PCSK5: variants seen among roughly 807,000 people sequenced by gnomAD.
PCSK5 encodes the protein proprotein convertase subtilisin/kexin type 5, also known as prohormone convertase 5.
A neutral mutation model predicts 233.2 loss-of-function variants in PCSK5; 129 were observed. That is an observed-to-expected ratio of 0.55 (90% CI 0.48 to 0.64). PCSK5 has a LOEUF of 0.64. Ranked by LOEUF, PCSK5 falls within the 30% of genes least tolerant of loss-of-function variation. The pLI, the probability that PCSK5 is intolerant of heterozygous loss-of-function variation, is 0.00. For missense variants in PCSK5, 2,076 were observed against 2,430.1 expected, an observed-to-expected ratio of 0.85 and a Z score of 3.06; for synonymous variants, 825 against 879.2, an observed-to-expected ratio of 0.94 and a Z score of 1.09.
At chr9:76,130,143 GT>G (rs1414767876) in intron 9 of PCSK5, among the ~76,000 whole-genome samples, 1 of 152,050 alleles carries the variant, frequency 6.6e-6, no homozygotes, top group Non-Finnish European at 1.5e-5. Context: ...TTATTTTTCT[GT>G]TTACCTTTGA....
chr9:76,206,027 A>G (rs914408413), intron 20 of PCSK5, among the ~76,000 whole-genome samples: 7 of 152,210 alleles, frequency 4.6e-5, no homozygotes, highest in South Asian at 4.1e-4. Flanking sequence ...CTCTAAGGCA[A>G]TGAGCATAGA....
chr9:76,330,743 G>A (rs1016787738), intron 33 of PCSK5, among the ~76,000 whole-genome samples: 3 of 151,890 alleles, frequency 2.0e-5, no homozygotes, highest in Non-Finnish European at 2.9e-5. Flanking sequence ...TACCATTCCT[G>A]ATCACTTCAC....
At chr9:76,248,945 T>C (rs1826707085) in intron 24 of PCSK5, among the ~76,000 whole-genome samples, 1 of 152,132 alleles carries the variant, frequency 6.6e-6, no homozygotes, top group Non-Finnish European at 1.5e-5. Flanking sequence ...TTATTTTTTG[T>C]AGAGGTGGGG....
chr9:75,979,964 T>A (rs1366850004), intron 2 of PCSK5, among the ~76,000 whole-genome samples: 1 of 152,206 alleles, frequency 6.6e-6, no homozygotes, highest in African/African-American at 2.4e-5. Context: ...CAATAAATAT[T>A]TTTAGCATGA....
intron 5 of PCSK5, among the ~76,000 whole-genome samples, chr9:76,034,873 T>G (rs538675136): frequency 1.3e-5 from 2 of 152,314 alleles, no homozygotes; most frequent in Non-Finnish European, 1.5e-5. Context: ...CCTTGATTGG[T>G]TCATCTAGAT....
At chr9:76,192,872 T>C (rs1477490426) in intron 20 of PCSK5, among the ~76,000 whole-genome samples, 1 of 152,172 alleles carries the variant, frequency 6.6e-6, no homozygotes, top group Non-Finnish European at 1.5e-5. Context: ...GTGTCTTAGA[T>C]TCAATGAAAT....
intron 9 of PCSK5, among the ~76,000 whole-genome samples, chr9:76,132,312 T>C (rs1281011213): frequency 1.3e-5 from 2 of 152,054 alleles, no homozygotes; most frequent in African/African-American, 4.8e-5. Context: ...TTCTTGAAAG[T>C]TTTTTGCTTT....
intron 3 of PCSK5, among the ~76,000 whole-genome samples, chr9:76,004,981 A>T (rs371733508): frequency 1.6e-4 from 25 of 152,238 alleles, no homozygotes; most frequent in African/African-American, 6.0e-4. Flanking sequence ...AGAGCTAAGA[A>T]GATATATCTG....
chr9:76,238,058 G>A (rs78108435), intron 22 of PCSK5, among the ~76,000 whole-genome samples: 1,895 of 152,230 alleles, frequency 0.012, 37 homozygotes, highest in African/African-American at 0.043. Flanking sequence ...GTTATTCTGA[G>A]TAACACAGAT....
intron 5 of PCSK5, among the ~76,000 whole-genome samples, chr9:76,039,923 T>C (rs1829021827): frequency 6.6e-6 from 1 of 152,220 alleles, no homozygotes; most frequent in South Asian, 2.1e-4. Context: ...TCAGGTTCCC[T>C]CGAATGGCAT....
intron 1 of PCSK5, among the ~76,000 whole-genome samples, chr9:75,929,936 C>T (rs941976736): frequency 6.6e-6 from 1 of 151,156 alleles, no homozygotes; most frequent in African/African-American, 2.4e-5. Flanking sequence ...GATCTTGGCT[C>T]ACTGCAACCT....
At chr9:76,065,611 A>C (rs765201704) in intron 5 of PCSK5, among the ~76,000 whole-genome samples, 11 of 151,564 alleles carry the variant, frequency 7.3e-5, no homozygotes, top group Non-Finnish European at 1.5e-4. Flanking sequence ...TTATCTTTTC[A>C]CTCTGTTAAT....
At chr9:76,018,905 G>C (rs963209286) in intron 3 of PCSK5, among the ~76,000 whole-genome samples, 1 of 152,242 alleles carries the variant, frequency 6.6e-6, no homozygotes, top group South Asian at 2.1e-4. Context: ...TCCAACATCC[G>C]CGCCTTATCT....
At chr9:76,265,163 C>T (rs1040880939) in intron 24 of PCSK5, among the ~76,000 whole-genome samples, 1 of 151,920 alleles carries the variant, frequency 6.6e-6, no homozygotes, top group African/African-American at 2.4e-5. Context: ...GAATAGAAAA[C>T]CAAATACTGC....
At chr9:76,268,830 G>A (rs970488702) in intron 24 of PCSK5, among the ~76,000 whole-genome samples, 10 of 152,188 alleles carry the variant, frequency 6.6e-5, no homozygotes. Flanking sequence ...GGGTGACAGA[G>A]CAAGGCTCTG....
chr9:76,136,341 G>A (rs1822977339), intron 10 of PCSK5, among the ~76,000 whole-genome samples: 1 of 152,072 alleles, frequency 6.6e-6, no homozygotes, highest in Non-Finnish European at 1.5e-5. Context: ...TTGGGGAAGT[G>A]GAGAATGCAG....
chr9:76,034,490 C>T (rs575669266), intron 5 of PCSK5, among the ~76,000 whole-genome samples: 1 of 152,246 alleles, frequency 6.6e-6, no homozygotes, highest in East Asian at 1.9e-4. Context: ...GTCTATTCTA[C>T]TCTATGTATC....
At chr9:76,214,111 A>T (rs567963020) in intron 20 of PCSK5, among the ~76,000 whole-genome samples, 2 of 152,134 alleles carry the variant, frequency 1.3e-5, no homozygotes. Flanking sequence ...TGAACACTTG[A>T]TTCTACATTG....
intron 31 of PCSK5, 29 bp downstream of exon 31, chr9:76,321,668 A>T: frequency 1.4e-6 from 2 of 1,479,088 alleles, no homozygotes; most frequent in Non-Finnish European, 1.9e-6. Context: ...CAGGAGAGCA[A>T]GGCTCTGCTG....
Sources: gnomAD v4.1 joint callset for allele counts (sites outside exome capture counted in the v4.1 genomes callset) on GRCh38, gnomAD v4.1.1 for gene constraint, MANE v1.5 for transcripts, NCBI Gene and HGNC (gene_info 2026-07-23, HGNC 2026-07-21) for gene names.